UNC13C: variants seen among roughly 807,000 people sequenced by gnomAD.
UNC13C encodes the protein unc-13 homolog C.
A neutral mutation model predicts 245.4 loss-of-function variants in UNC13C; 174 were observed. That is an observed-to-expected ratio of 0.71 (90% CI 0.63 to 0.80). The LOEUF is 0.80. UNC13C is among the 30% of genes least tolerant of loss of function. UNC13C has a pLI of 0.00. For missense variants in UNC13C, 2,829 were observed against 2,602.9 expected (o/e 1.09, Z -1.89); for synonymous variants, 992 against 895.1 (o/e 1.11, Z -1.93).
intron 4 of UNC13C, among the ~76,000 whole-genome samples, chr15:54,153,678 A>G (rs1220138999): frequency 1.3e-5 from 2 of 152,110 alleles, no homozygotes; most frequent in African/African-American, 2.4e-5. Flanking sequence ...TACATTATGT[A>G]TTGGTCTGAA....
At chr15:54,623,411 T>C (rs946521903) in intron 31 of UNC13C, among the ~76,000 whole-genome samples, 4 of 152,150 alleles carry the variant, frequency 2.6e-5, no homozygotes, top group African/African-American at 9.6e-5. Flanking sequence ...TAACTAAATA[T>C]TGAAAGCATA....
chr15:54,530,918 A>G (rs993541290), intron 25 of UNC13C, among the ~76,000 whole-genome samples: 1 of 152,156 alleles, frequency 6.6e-6, no homozygotes, highest in Non-Finnish European at 1.5e-5. Flanking sequence ...GAAGCTATTG[A>G]AGATTTTTAG....
rs538795484 is a variant in UNC13C at position 54,148,463 on chromosome 15, C to T, written c.3071+4779C>T. 1.2e-4 allele frequency among the ~76,000 whole-genome samples: 19 copies of T among 152,270 alleles called. No individual in the cohort carries two copies. The South Asian group carries it at 3.7e-3, about 30-fold the overall frequency. On this transcript the variant is annotated intron_variant, in intron 4 of 32. Coordinates refer to ENST00000260323, the MANE Select transcript of UNC13C (RefSeq NM_001080534.3). ...TTAACATATTTTTAATTTTCTGTCA[C>T]AGTACTGACATTGCTTTTTTATTTG...
At chr15:54,067,111 A>T (rs549129932) in intron 2 of UNC13C, among the ~76,000 whole-genome samples, 7 of 152,110 alleles carry the variant, frequency 4.6e-5, no homozygotes, top group Non-Finnish European at 8.8e-5. Flanking sequence ...ATTCTTCCCT[A>T]TACTCCTGTT....
intron 30 of UNC13C, among the ~76,000 whole-genome samples, chr15:54,570,558 A>G (rs1226452668): frequency 1.3e-5 from 2 of 152,190 alleles, no homozygotes; most frequent in East Asian, 1.9e-4. Flanking sequence ...AAGTCTTCTC[A>G]GTTAGTGAAT....
chr15:54,480,721 T>C (rs182345167), intron 19 of UNC13C, among the ~76,000 whole-genome samples: 18 of 152,316 alleles, frequency 1.2e-4, no homozygotes, highest in African/African-American at 4.3e-4. Context: ...TCCTTTTCTA[T>C]GAAATTTGTT....
At chr15:54,512,435 A>G in intron 24 of UNC13C, 1 of 453,026 alleles carries the variant, frequency 2.2e-6, no homozygotes. Flanking sequence ...CCCTCACTCC[A>G]TACCTAAAGA....
chr15:54,327,961 T>C (rs942135861), intron 14 of UNC13C, among the ~76,000 whole-genome samples: 3 of 152,044 alleles, frequency 2.0e-5, no homozygotes, highest in African/African-American at 4.8e-5. Flanking sequence ...AGAAAAAGAA[T>C]TTACTGTTAC....
intron 30 of UNC13C, among the ~76,000 whole-genome samples, chr15:54,620,726 G>C (rs1182094548): frequency 6.7e-6 from 1 of 149,344 alleles, no homozygotes; most frequent in Non-Finnish European, 1.5e-5. Flanking sequence ...GTCGAGCCTA[G>C]AGTGAGCTGT....
intron 16 of UNC13C, among the ~76,000 whole-genome samples, chr15:54,337,948 C>G (rs530846414): frequency 3.9e-5 from 6 of 152,260 alleles, no homozygotes; most frequent in African/African-American, 1.4e-4. Context: ...TACTTTTCAA[C>G]ATGCATCATC....
chr15:54,111,693 G>A (rs1485252988), intron 2 of UNC13C, among the ~76,000 whole-genome samples: 2 of 152,280 alleles, frequency 1.3e-5, no homozygotes, highest in South Asian at 4.2e-4. Context: ...GAATCAACAG[G>A]AGAGGTCCCG....
At position 54,393,185 on chromosome 15, in the gene UNC13C, A is replaced by G; in HGVS notation, c.4847+4A>G. The G allele has an allele frequency of 6.4e-7, 1 of 1,552,678 alleles. No homozygotes were observed. The highest frequency in any genetic ancestry group is 8.7e-7 in the Non-Finnish European group (1 of 1,152,794). On this transcript the variant is annotated splice_donor_region_variant and intron_variant, in intron 18 of 32. Coordinates refer to ENST00000260323, the MANE Select transcript of UNC13C (RefSeq NM_001080534.3). ...CCTACACACCTGTCCTGAATCAGTAAGTACAATGTTTTGGAAATGAATGGA... is the reference window on the plus strand; with the variant it reads ...CCTACACACCTGTCCTGAATCAGTAGGTACAATGTTTTGGAAATGAATGGA...
intron 20 of UNC13C, among the ~76,000 whole-genome samples, chr15:54,499,761 T>G (rs1466599107): frequency 6.6e-6 from 1 of 152,114 alleles, no homozygotes; most frequent in East Asian, 1.9e-4. Flanking sequence ...GGAAATGCGT[T>G]GATAGGGAAG....
At chr15:54,417,702 T>A (rs1236972904) in intron 19 of UNC13C, among the ~76,000 whole-genome samples, 1 of 152,108 alleles carries the variant, frequency 6.6e-6, no homozygotes, top group Non-Finnish European at 1.5e-5. Context: ...TTAGAGCTTT[T>A]TGAAAAAAAG....
intron 2 of UNC13C, among the ~76,000 whole-genome samples, chr15:54,020,066 G>A (rs185046299): frequency 4.2e-4 from 64 of 152,104 alleles, no homozygotes; most frequent in Admixed American, 2.0e-3. Context: ...CTCACCTGTG[G>A]ACAGTCCAGG....
rs1410844272 is a variant in UNC13C, at chr15:54,366,166, G to A, written c.4714-26882G>A. 3.3e-5 allele frequency among the ~76,000 whole-genome samples: 5 copies of A among 151,968 alleles called. No homozygotes were observed. The South Asian group carries it at 8.3e-4, about 25-fold the overall frequency. On this transcript the variant is annotated intron_variant, in intron 17 of 32. Coordinates refer to ENST00000260323, the MANE Select transcript of UNC13C (RefSeq NM_001080534.3). ...GCCTTATTTTTATTTCAAAAGCATC[G>A]TTTATTATGGTTATTCTGTTATTTA...
At chr15:54,308,127 T>G (rs12898437) in intron 13 of UNC13C, among the ~76,000 whole-genome samples, 12,737 of 151,984 alleles carry the variant, frequency 0.084, 622 homozygotes, top group Admixed American at 0.13. Flanking sequence ...TAGATGAAAG[T>G]CATTTCTAGT....
At chr15:53,894,857 C>T in the UNC13C span, among the ~76,000 whole-genome samples, 1 of 151,682 alleles carries the variant, frequency 6.6e-6, no homozygotes, top group African/African-American at 2.4e-5. Flanking sequence ...AAATTATTGC[C>T]CCATTAACCC....
chr15:53,889,709 T>C, the UNC13C span, among the ~76,000 whole-genome samples: 1 of 152,218 alleles, frequency 6.6e-6, no homozygotes, highest in Admixed American at 6.5e-5. Context: ...ATAACTCTTA[T>C]TATTTTGTGA....
Sources: gnomAD v4.1 joint callset for allele counts (sites outside exome capture counted in the v4.1 genomes callset) on GRCh38, gnomAD v4.1.1 for gene constraint, MANE v1.5 for transcripts, NCBI Gene and HGNC (gene_info 2026-07-23, HGNC 2026-07-21) for gene names.